CELF4: variants seen among roughly 807,000 people sequenced by gnomAD.
The protein encoded by CELF4 is CUGBP Elav-like family member 4, also known as CUG-BP- and ETR-3-like factor 4.
Under a neutral mutation model 59.9 loss-of-function variants are expected in CELF4, and 18 were observed. The observed-to-expected ratio is 0.30, with a 90% CI of 0.21 to 0.45. CELF4 has a LOEUF of 0.45. Ranked by LOEUF, CELF4 falls within the 20% of genes least tolerant of loss-of-function variation. CELF4 has a pLI of 1.00. For synonymous variants in CELF4, 261 were observed against 267.1 expected, an observed-to-expected ratio of 0.98 and a Z score of 0.22; for missense variants, 456 against 689.0, an observed-to-expected ratio of 0.66 and a Z score of 3.79.
intron 3 of CELF4, among the ~76,000 whole-genome samples, chr18:37,278,763 G>C (rs2093728034): frequency 6.6e-6 from 1 of 152,150 alleles, no homozygotes; most frequent in African/African-American, 2.4e-5. Flanking sequence ...AGGGTGAGAG[G>C]AGAAGTCAGA....
At chr18:37,387,610 ACT>A (rs2099113330) in intron 2 of CELF4, among the ~76,000 whole-genome samples, 1 of 151,858 alleles carries the variant, frequency 6.6e-6, no homozygotes, top group South Asian at 2.1e-4. Flanking sequence ...AAAGTTGAGG[ACT>A]CTGGTCTGGG....
chr18:37,349,790 C>T (rs1569567286), intron 2 of CELF4, among the ~76,000 whole-genome samples: 4 of 152,060 alleles, frequency 2.6e-5, no homozygotes, highest in Admixed American at 6.5e-5. Flanking sequence ...TCCAGCAGCA[C>T]GAGGCTGAGA....
At chr18:37,448,042 G>A (rs996809947) in intron 2 of CELF4, among the ~76,000 whole-genome samples, 1 of 152,192 alleles carries the variant, frequency 6.6e-6, no homozygotes, top group Non-Finnish European at 1.5e-5. Context: ...CTGAGTACAC[G>A]GTGGCATTCA....
intron 1 of CELF4, among the ~76,000 whole-genome samples, chr18:37,502,285 A>T (rs985063261): frequency 2.6e-5 from 4 of 152,084 alleles, no homozygotes; most frequent in Non-Finnish European, 2.9e-5. Context: ...AGCCATTTCC[A>T]TCCAGGCGGC....
chr18:37,531,373 C>T (rs548435714), intron 1 of CELF4, among the ~76,000 whole-genome samples: 8 of 152,264 alleles, frequency 5.3e-5, no homozygotes, highest in African/African-American at 1.9e-4. Flanking sequence ...AGAGTCCCAG[C>T]TCTTTCTCGA....
chr18:37,493,437 C>T (rs924611677), intron 1 of CELF4, among the ~76,000 whole-genome samples: 3 of 152,222 alleles, frequency 2.0e-5, no homozygotes, highest in African/African-American at 2.4e-5. Context: ...CACCCCAGGG[C>T]CCCCTTTCCC....
At chr18:37,440,194 C>T (rs1017009998) in intron 2 of CELF4, among the ~76,000 whole-genome samples, 3 of 152,136 alleles carry the variant, frequency 2.0e-5, no homozygotes, top group Admixed American at 6.5e-5. Context: ...TACACGCTCC[C>T]GGTGGAGTTT....
At chr18:37,503,056 AG>A (rs1483079855) in intron 1 of CELF4, among the ~76,000 whole-genome samples, 2 of 152,194 alleles carry the variant, frequency 1.3e-5, no homozygotes, top group Non-Finnish European at 2.9e-5. Context: ...CACGGTGCAG[AG>A]GATACCCATG....
chr18:37,435,176 A>T (rs2099686798), intron 2 of CELF4, among the ~76,000 whole-genome samples: 1 of 152,136 alleles, frequency 6.6e-6, no homozygotes, highest in African/African-American at 2.4e-5. Context: ...CTGACTGTGA[A>T]CAAACCCCGT....
chr18:37,505,190 G>A (rs1057416279), intron 1 of CELF4, among the ~76,000 whole-genome samples: 1 of 152,020 alleles, frequency 6.6e-6, no homozygotes, highest in African/African-American at 2.4e-5. Context: ...GTCTCGCATG[G>A]CTGAGGCCAG....
At chr18:37,397,240 C>A (rs2099256413) in intron 2 of CELF4, among the ~76,000 whole-genome samples, 1 of 152,120 alleles carries the variant, frequency 6.6e-6, no homozygotes, top group Non-Finnish European at 1.5e-5. Flanking sequence ...CTTGCACAAC[C>A]AGCCCCTCAC....
At chr18:37,264,866 G>A (rs748111615) in intron 9 of CELF4, 109 bp from the exon 10 acceptor site, 60 of 870,576 alleles carry the variant, frequency 6.9e-5, no homozygotes, top group African/African-American at 6.2e-4. Context: ...GCCAAAAAGC[G>A]CCCTGCCACT....
intron 2 of CELF4, among the ~76,000 whole-genome samples, chr18:37,352,558 A>C (rs1475890155): frequency 6.6e-6 from 1 of 151,788 alleles, no homozygotes; most frequent in Non-Finnish European, 1.5e-5. Flanking sequence ...GCACCATGGC[A>C]CTCCAACCTG....
Position 37,253,789 on chromosome 18 carries a change from C to T in CELF4, c.*22G>A, listed in dbSNP as rs779906709. ...TACCTGTGCGAGTCCTGGTCTCCCC[C>T]GGGGGACGCTCCCGCCGGCGCTCAG... On this transcript the variant is annotated 3_prime_UTR_variant, in exon 12 of 13. Coordinates refer to ENST00000420428, the MANE Select transcript of CELF4 (RefSeq NM_020180.4). The surrounding 1 kb of genome is among the most constrained non-coding windows in gnomAD (Gnocchi z 4.5). 1.6e-5 allele frequency: 25 copies of T among 1,589,110 alleles called. No homozygotes were observed. The highest frequency in any genetic ancestry group is 2.1e-5 in the Non-Finnish European group (25 of 1,167,602).
At chr18:37,446,565 G>T (rs148089881) in intron 2 of CELF4, among the ~76,000 whole-genome samples, 8 of 152,350 alleles carry the variant, frequency 5.3e-5, no homozygotes, top group Non-Finnish European at 1.2e-4. Context: ...CCCCCAGTGT[G>T]TAGGGTTAAA....
At chr18:37,311,066 C>G (rs1238952649) in intron 3 of CELF4, among the ~76,000 whole-genome samples, 5 of 151,944 alleles carry the variant, frequency 3.3e-5, no homozygotes. Context: ...CCCATTTCCC[C>G]TGAAACAATC....
chr18:37,258,118 T>A (rs911303099), intron 11 of CELF4, among the ~76,000 whole-genome samples: 3 of 152,244 alleles, frequency 2.0e-5, no homozygotes, highest in Non-Finnish European at 4.4e-5. Flanking sequence ...ATATTTTATC[T>A]GACAGCCATA....
chr18:37,407,559 G>GTA (rs1167797575), intron 2 of CELF4, among the ~76,000 whole-genome samples: 38 of 150,470 alleles, frequency 2.5e-4, no homozygotes, highest in African/African-American at 9.0e-4. Context: ...ATGTATATGT[G>GTA]TATATATATG....
intron 2 of CELF4, among the ~76,000 whole-genome samples, chr18:37,397,339 G>C (rs2099257616): frequency 6.6e-6 from 1 of 152,144 alleles, no homozygotes; most frequent in Admixed American, 6.5e-5. Flanking sequence ...TGGTAGGCCT[G>C]GGGCTTGGGG....
Sources: allele counts gnomAD v4.1 joint callset (sites outside exome capture counted in the v4.1 genomes callset), GRCh38; gene constraint gnomAD v4.1.1; non-coding constraint Gnocchi (gnomAD v3.1); transcripts MANE v1.5; gene names NCBI Gene and HGNC (gene_info 2026-07-23, HGNC 2026-07-21).